Variants in AKAP19 observed in about 807,000 individuals in gnomAD.
AKAP19 encodes A-kinase anchoring protein 19, also known as small A-kinase anchoring protein.
chr2:190,102,164 A>G, the AKAP19 span, among the ~76,000 whole-genome samples: 1 of 152,158 alleles, frequency 6.6e-6, no homozygotes, highest in Non-Finnish European at 1.5e-5. Flanking sequence ...AGGTATACCC[A>G]AATCTCTGGG....
At chr2:190,050,263 G>A in the AKAP19 span, among the ~76,000 whole-genome samples, 1 of 152,180 alleles carries the variant, frequency 6.6e-6, no homozygotes, top group East Asian at 1.9e-4. Flanking sequence ...ACTGGCTGAA[G>A]CTCAGCTGCT....
chr2:190,040,361 T>C, the AKAP19 span, among the ~76,000 whole-genome samples: 1 of 152,220 alleles, frequency 6.6e-6, no homozygotes, highest in Non-Finnish European at 1.5e-5. Context: ...CACTTTTTAA[T>C]GGGGTTGTTT....
At chr2:190,163,457 A>C in the AKAP19 span, among the ~76,000 whole-genome samples, 4 of 125,532 alleles carry the variant, frequency 3.2e-5, no homozygotes, top group Non-Finnish European at 6.9e-5. Flanking sequence ...ACAAAAAACA[A>C]AAAAAAAAAA....
chr2:189,972,290 G>A, the AKAP19 span, among the ~76,000 whole-genome samples: 1 of 152,158 alleles, frequency 6.6e-6, no homozygotes, highest in Non-Finnish European at 1.5e-5. Context: ...TCAGATGGTT[G>A]TAGATGTGTG....
chr2:189,984,556 A>G, the AKAP19 span, among the ~76,000 whole-genome samples: 1 of 152,146 alleles, frequency 6.6e-6, no homozygotes, highest in East Asian at 1.9e-4. Flanking sequence ...TAATGCAATT[A>G]TCACACAGTC....
the AKAP19 span, among the ~76,000 whole-genome samples, chr2:190,081,460 T>C: frequency 6.6e-6 from 1 of 152,136 alleles, no homozygotes; most frequent in Non-Finnish European, 1.5e-5. Context: ...TCTTTTCCCC[T>C]GAAAATTATT....
At chr2:190,034,864 A>G in the AKAP19 span, among the ~76,000 whole-genome samples, 1 of 115,356 alleles carries the variant, frequency 8.7e-6, no homozygotes, top group Non-Finnish European at 2.1e-5. Flanking sequence ...ACCAAAAAAA[A>G]AAAAAAAAAA....
chr2:189,991,349 G>A, the AKAP19 span, among the ~76,000 whole-genome samples: 1 of 152,040 alleles, frequency 6.6e-6, no homozygotes, highest in Non-Finnish European at 1.5e-5. Context: ...CATATCCACT[G>A]CAACATCTAT....
the AKAP19 span, among the ~76,000 whole-genome samples, chr2:190,195,940 G>GTTTT: frequency 2.9e-5 from 1 of 34,358 alleles, no homozygotes; most frequent in Admixed American, 3.0e-4. Context: ...ACTGTGTCCA[G>GTTTT]CTTTTTTTTT....
the AKAP19 span, among the ~76,000 whole-genome samples, chr2:190,068,807 C>T: frequency 1.3e-5 from 2 of 152,136 alleles, no homozygotes; most frequent in African/African-American, 4.8e-5. Context: ...TCTGTTGACT[C>T]CCCTCTTCCT....
the AKAP19 span, among the ~76,000 whole-genome samples, chr2:189,966,125 G>A: frequency 3.3e-5 from 5 of 151,810 alleles, no homozygotes; most frequent in African/African-American, 1.2e-4. Context: ...CTCATACGTG[G>A]GAGCCGAGCT....
At chr2:190,116,474 G>A in the AKAP19 span, among the ~76,000 whole-genome samples, 48 of 152,192 alleles carry the variant, frequency 3.2e-4, no homozygotes, top group African/African-American at 1.1e-3. Flanking sequence ...TCCCAACACC[G>A]TAGCATTGGG....
chr2:189,886,241 T>C, the AKAP19 span, among the ~76,000 whole-genome samples: 1 of 152,200 alleles, frequency 6.6e-6, no homozygotes, highest in East Asian at 1.9e-4. Context: ...GGTTTTCCAT[T>C]TTCACCTATC....
the AKAP19 span, among the ~76,000 whole-genome samples, chr2:190,099,474 T>C: frequency 3.3e-5 from 5 of 152,108 alleles, no homozygotes; most frequent in African/African-American, 1.2e-4. Flanking sequence ...CGGTTCAAGG[T>C]GCCCCAAAAC....
chr2:189,932,067 T>G, the AKAP19 span, among the ~76,000 whole-genome samples: 3 of 152,198 alleles, frequency 2.0e-5, no homozygotes, highest in Non-Finnish European at 4.4e-5. Context: ...CGTGTTTAGT[T>G]GTCATGGCTT....
chr2:190,153,467 C>A, the AKAP19 span, among the ~76,000 whole-genome samples: 1 of 152,128 alleles, frequency 6.6e-6, no homozygotes, highest in Non-Finnish European at 1.5e-5. Context: ...GCATCTTTGT[C>A]TAGTTCCAGA....
the AKAP19 span, among the ~76,000 whole-genome samples, chr2:190,032,868 T>C: frequency 1.3e-5 from 2 of 152,230 alleles, no homozygotes; most frequent in Non-Finnish European, 2.9e-5. Flanking sequence ...ATGAATATGC[T>C]CTTAAATATA....
chr2:190,165,223 G>A, the AKAP19 span, among the ~76,000 whole-genome samples: 1 of 152,124 alleles, frequency 6.6e-6, no homozygotes. Context: ...GATCACTTGA[G>A]GTCAGGAGTT....
At chr2:189,985,702 C>G in the AKAP19 span, among the ~76,000 whole-genome samples, 3 of 152,344 alleles carry the variant, frequency 2.0e-5, no homozygotes, top group African/African-American at 4.8e-5. Context: ...GTCCAGCTGA[C>G]AGCTTGAGTT....
Sources: allele counts gnomAD v4.1 joint callset (sites outside exome capture counted in the v4.1 genomes callset), GRCh38; gene constraint gnomAD v4.1.1; transcripts MANE v1.5; gene names NCBI Gene and HGNC (gene_info 2026-07-23, HGNC 2026-07-21).